The following PHF21A variants were observed in gnomAD, a reference collection of about 807,000 sequenced individuals.
PHF21A encodes BHC80a.
Under a neutral mutation model 82.5 loss-of-function variants are expected in PHF21A, and 11 were observed. That is an observed-to-expected ratio of 0.13 (90% CI 0.08 to 0.22). The LOEUF (loss-of-function observed/expected upper bound fraction) is 0.22, where lower values mean the gene tolerates loss of function less well. PHF21A is among the 10% of genes least tolerant of loss of function. The pLI is 1.00. For synonymous variants in PHF21A, 297 were observed against 302.8 expected (o/e 0.98, Z 0.20); for missense variants, 579 against 837.8 (o/e 0.69, Z 3.81).
At chr11:46,075,354 C>G (rs973405444) in intron 6 of PHF21A, among the ~76,000 whole-genome samples, 1 of 152,146 alleles carries the variant, frequency 6.6e-6, no homozygotes, top group East Asian at 1.9e-4. Flanking sequence ...TCACCTTCTT[C>G]CCCTGCTGGA....
In PHF21A at chr11:45,985,065, A is replaced by G. The variant is rs78988100; in HGVS notation, c.154-5099T>C. On this transcript the variant is annotated intron_variant, in intron 6 of 18. Coordinates refer to ENST00000676320, the MANE Select transcript of PHF21A (RefSeq NM_001352027.3). The stretch of plus-strand genomic sequence containing the variant: ...TCTTTCTGGGTCTTCAGACACACCA[A>G]TTGCTCAAAATGAAACCAAGGATAC... Among the ~76,000 whole-genome samples, 1,078 of 152,318 alleles carry G rather than the reference A, an allele frequency of 7.1e-3. 11 individuals carry two copies. Among genetic ancestry groups the G allele is most frequent in the African/African-American group, 0.025 (1,026 of 41,570 alleles).
At chr11:46,032,860 A>G (rs1435861001) in intron 6 of PHF21A, among the ~76,000 whole-genome samples, 2 of 152,222 alleles carry the variant, frequency 1.3e-5, no homozygotes. Flanking sequence ...AATGATTCAT[A>G]CAAGAGTATA....
At chr11:45,992,309 G>A (rs1037724423) in intron 6 of PHF21A, among the ~76,000 whole-genome samples, 1 of 151,376 alleles carries the variant, frequency 6.6e-6, no homozygotes, top group Non-Finnish European at 1.5e-5. Flanking sequence ...GAGGCGGGCA[G>A]ATCATGAGGT....
intron 6 of PHF21A, among the ~76,000 whole-genome samples, chr11:46,060,505 A>G (rs942331378): frequency 1.3e-5 from 2 of 152,230 alleles, no homozygotes; most frequent in African/African-American, 4.8e-5. Context: ...TTGATATTAA[A>G]AGAGACTATT....
In PHF21A at chr11:45,933,925, T is replaced by C. The variant is rs2088070308; in HGVS notation, c.*43A>G. The C allele has an allele frequency of 6.7e-7, 1 of 1,497,936 alleles. No individual in the cohort carries two copies. The highest frequency in any genetic ancestry group is 8.9e-7 in the Non-Finnish European group (1 of 1,122,316). The allele number at this position is 1,497,936 out of a possible 1,614,324, so 92.8% of individuals were successfully genotyped here. A position where few individuals can be genotyped will look rare whatever the true frequency, so the allele number is the denominator to read the frequency against. On this transcript the variant is annotated 3_prime_UTR_variant, in exon 19 of 19. Coordinates refer to ENST00000676320, the MANE Select transcript of PHF21A (RefSeq NM_001352027.3). The stretch of plus-strand genomic sequence containing the variant: ...TTCTAGAGTCTTCAGTGTTCTGTTC[T>C]CCTTGCCGCCGGGATCCCGTGGCTT...
intron 6 of PHF21A, among the ~76,000 whole-genome samples, chr11:46,028,176 T>C (rs1423044651): frequency 2.0e-5 from 3 of 152,170 alleles, no homozygotes; most frequent in Non-Finnish European, 2.9e-5. Context: ...TTTGTATTCC[T>C]ATCCCAAAAA....
rs1463904063 is a variant in PHF21A at position 45,930,342 on chromosome 11, G to A, written c.*3626C>T. 1.3e-5 allele frequency: 2 copies of A among 152,398 alleles called. No homozygotes were observed. The highest frequency in any genetic ancestry group is 4.8e-5 in the African/African-American group (2 of 41,478). 9.4% of individuals were successfully genotyped at this position (152,398 alleles called of 1,614,324 possible). Reference sequence around the variant, plus strand: ...GTTGGGCCTGAGCCAAGCAGCAGCAGGGACAGAGAGGCAGGTGTTGCAGGG... The same window carrying A: ...GTTGGGCCTGAGCCAAGCAGCAGCAAGGACAGAGAGGCAGGTGTTGCAGGG... On this transcript the variant is annotated 3_prime_UTR_variant, in exon 19 of 19. Transcript: ENST00000676320.
intron 16 of PHF21A, 69 bp from the exon 17 acceptor site, chr11:45,936,638 C>G: frequency 9.9e-7 from 1 of 1,005,062 alleles, no homozygotes; most frequent in East Asian, 2.4e-5. Flanking sequence ...TAACAGCTAG[C>G]AGTGGTATCT....
At chr11:46,120,798 AC>A in intron 1 of PHF21A, 136 bp downstream of exon 1, 1 of 152,042 alleles carries the variant, frequency 6.6e-6, no homozygotes, top group South Asian at 2.1e-4. Flanking sequence ...CCAGAGACAA[AC>A]ACCAGCGACA....
chr11:45,979,712 A>G, intron 7 of PHF21A, 48 bp downstream of exon 7: 1 of 1,612,142 alleles, frequency 6.2e-7, no homozygotes, highest in Non-Finnish European at 8.5e-7. Context: ...GACCAACAAC[A>G]AATCAGTCTA....
chr11:46,086,717 T>C (rs1427705407), intron 3 of PHF21A, among the ~76,000 whole-genome samples: 1 of 152,244 alleles, frequency 6.6e-6, no homozygotes, highest in Non-Finnish European at 1.5e-5. Context: ...CACTTTGAAG[T>C]TGAAGGTGTA....
At chr11:45,934,948 C>G (rs2088503191) in intron 18 of PHF21A, 2 of 428,628 alleles carry the variant, frequency 4.7e-6, no homozygotes, top group African/African-American at 2.0e-5. Flanking sequence ...CAACTGCCAC[C>G]AAGTACAAGG....
intron 6 of PHF21A, among the ~76,000 whole-genome samples, chr11:46,024,568 G>C (rs1025688241): frequency 6.6e-6 from 1 of 152,094 alleles, no homozygotes; most frequent in African/African-American, 2.4e-5. Flanking sequence ...GGGAGGCCGA[G>C]GCAGGTGGAT....
At chr11:45,972,187 G>A (rs1438444794) in intron 7 of PHF21A, among the ~76,000 whole-genome samples, 3 of 152,068 alleles carry the variant, frequency 2.0e-5, no homozygotes, top group Admixed American at 2.0e-4. Context: ...GAGATCAGAA[G>A]ATGAACTGAG....
At chr11:45,943,077 C>T (rs1367893188) in intron 15 of PHF21A, among the ~76,000 whole-genome samples, 1 of 151,250 alleles carries the variant, frequency 6.6e-6, no homozygotes, top group Non-Finnish European at 1.5e-5. Context: ...CACTTTTCTC[C>T]ATCTCTGCTT....
intron 1 of PHF21A, among the ~76,000 whole-genome samples, chr11:46,114,115 C>T (rs1469975794): frequency 6.6e-6 from 1 of 151,542 alleles, no homozygotes; most frequent in East Asian, 1.9e-4. Context: ...GCACACATCC[C>T]CACACACACA....
At chr11:46,042,026 T>C (rs1383513394) in intron 6 of PHF21A, among the ~76,000 whole-genome samples, 1 of 152,158 alleles carries the variant, frequency 6.6e-6, no homozygotes, top group Non-Finnish European at 1.5e-5. Context: ...GCAATTTTCC[T>C]ACTATACTTA....
chr11:46,100,312 C>A (rs1264388850), intron 1 of PHF21A, among the ~76,000 whole-genome samples: 1 of 151,588 alleles, frequency 6.6e-6, no homozygotes, highest in African/African-American at 2.4e-5. Flanking sequence ...TTTCCTAAGT[C>A]TCTTCATCAG....
chr11:46,053,335 T>A (rs1438506345), intron 6 of PHF21A, among the ~76,000 whole-genome samples: 1 of 152,136 alleles, frequency 6.6e-6, no homozygotes, highest in Non-Finnish European at 1.5e-5. Context: ...CCTCTTTTGA[T>A]ATAAGTGTAT....
Sources: allele counts gnomAD v4.1 joint callset (sites outside exome capture counted in the v4.1 genomes callset), GRCh38; gene constraint gnomAD v4.1.1; transcripts MANE v1.5; gene names NCBI Gene and HGNC (gene_info 2026-07-23, HGNC 2026-07-21).